MCPH1: variants seen among roughly 807,000 people sequenced by gnomAD.
MCPH1 encodes microcephalin.
A neutral mutation model predicts 84.5 loss-of-function variants in MCPH1; 104 were observed. The observed-to-expected ratio is 1.23, with a 90% confidence interval of 1.05 to 1.45. The LOEUF is 1.45. MCPH1 is among the 40% of genes most tolerant of loss of function. The pLI is 0.00. For missense variants in MCPH1, 1,498 were observed against 1,005.7 expected (o/e 1.49, Z -6.62); for synonymous variants, 514 against 366.8 (o/e 1.40, Z -4.58).
chr8:6,432,562 C>G (rs950437421), intron 4 of MCPH1, among the ~76,000 whole-genome samples: 11 of 152,186 alleles, frequency 7.2e-5, no homozygotes, highest in African/African-American at 2.4e-4. Flanking sequence ...TCTGAGGGTA[C>G]TTTACTCTGA....
intron 12 of MCPH1, among the ~76,000 whole-genome samples, chr8:6,506,399 T>C (rs1586199873): frequency 1.3e-5 from 2 of 152,290 alleles, no homozygotes; most frequent in South Asian, 4.1e-4. Flanking sequence ...CTTTTCCAAT[T>C]ACATTCTCAG....
At chr8:6,533,627 C>T (rs553235820) in intron 12 of MCPH1, among the ~76,000 whole-genome samples, 1 of 144,728 alleles carries the variant, frequency 6.9e-6, no homozygotes, top group African/African-American at 2.5e-5. Context: ...TCTTCCATTC[C>T]CTGGTCCAAA....
intron 12 of MCPH1, among the ~76,000 whole-genome samples, chr8:6,573,318 G>T (rs1295050077): frequency 6.6e-6 from 1 of 152,094 alleles, no homozygotes; most frequent in Non-Finnish European, 1.5e-5. Flanking sequence ...ATTCAGGTTA[G>T]ATATTATAGT....
chr8:6,465,543 T>C (rs1162438014), intron 9 of MCPH1, among the ~76,000 whole-genome samples: 1 of 152,216 alleles, frequency 6.6e-6, no homozygotes, highest in Non-Finnish European at 1.5e-5. Flanking sequence ...CTGGAAAGCG[T>C]TCTCTCACTT....
In MCPH1 at chr8:6,479,476, C is replaced by G. The variant is rs530103875; in HGVS notation, c.1974-1238C>G. Among the ~76,000 whole-genome samples the G allele has an allele frequency of 4.0e-5, 6 of 150,416 alleles. 1 individual carries two copies. The highest frequency in any genetic ancestry group is 1.2e-4 in the African/African-American group (5 of 40,832). The stretch of plus-strand genomic sequence containing the variant: ...TTGAGACAGAGTCTCCCTCTGTCAC[C>G]CAGGCTGGAGTGCAGTGGCGCAATC... On this transcript the variant is annotated intron_variant, in intron 10 of 13. Coordinates refer to ENST00000344683, the MANE Select transcript of MCPH1 (RefSeq NM_024596.5).
chr8:6,433,655 A>AAAAAAT (rs1802188613), intron 4 of MCPH1, among the ~76,000 whole-genome samples: 1 of 143,878 alleles, frequency 7.0e-6, no homozygotes, highest in African/African-American at 2.7e-5. Context: ...AAAAAAAAAA[A>AAAAAAT]CCTATTTCGT....
rs370826541 is a variant in MCPH1 at position 6,602,192 on chromosome 8, G to A, written c.2215-19262G>A. ...CCTTGAGCAGAAAGACTTAGGAAGG[G>A]TGCTCGCTAGCGAGGAGGGAGGCAA... On this transcript the variant is annotated intron_variant, in intron 12 of 13. Transcript: ENST00000344683. 6.9e-4 allele frequency among the ~76,000 whole-genome samples: 105 copies of A among 152,356 alleles called. 3 individuals are homozygous for A. In the South Asian group the frequency reaches 0.021, roughly 31 times the overall value.
chr8:6,531,466 T>G (rs1404141586), intron 12 of MCPH1, among the ~76,000 whole-genome samples: 3 of 152,038 alleles, frequency 2.0e-5, no homozygotes, highest in Admixed American at 2.0e-4. Context: ...TTTGTTTGTA[T>G]TTTTTAGTAG....
chr8:6,480,205 C>T (rs1809020302), intron 10 of MCPH1, among the ~76,000 whole-genome samples: 1 of 151,502 alleles, frequency 6.6e-6, no homozygotes, highest in African/African-American at 2.4e-5. Flanking sequence ...CTCACTGCAA[C>T]CTCCACCTCC....
chr8:6,514,422 C>T (rs1815823237), intron 12 of MCPH1, among the ~76,000 whole-genome samples: 2 of 152,174 alleles, frequency 1.3e-5, no homozygotes, highest in African/African-American at 4.8e-5. Flanking sequence ...CTCCTGACCT[C>T]AGGTAATCCA....
intron 11 of MCPH1, among the ~76,000 whole-genome samples, chr8:6,481,610 C>T (rs1310707343): frequency 6.6e-6 from 1 of 152,170 alleles, no homozygotes; most frequent in African/African-American, 2.4e-5. Context: ...ATACTGTGTT[C>T]ATTTAAACCA....
At chr8:6,495,298 C>T (rs1048224336) in intron 11 of MCPH1, among the ~76,000 whole-genome samples, 1 of 152,138 alleles carries the variant, frequency 6.6e-6, no homozygotes, top group Non-Finnish European at 1.5e-5. Flanking sequence ...AATAATGATG[C>T]ATAATGTCTT....
chr8:6,568,367 C>T lies in MCPH1; in HGVS notation c.2215-53087C>T, dbSNP rs530183508. Among the ~76,000 whole-genome samples, 82 of 152,256 alleles carry T rather than the reference C, an allele frequency of 5.4e-4. 1 individual carries two copies. In the South Asian group the frequency reaches 0.013, roughly 25 times the overall value. ...CATCCCAGGTTCCCCCAGAGCAATCCGTGCAGCTCTCATAAGCAACCAGAA... is the reference window on the plus strand; with the variant it reads ...CATCCCAGGTTCCCCCAGAGCAATCTGTGCAGCTCTCATAAGCAACCAGAA... On this transcript the variant is annotated intron_variant, in intron 12 of 13. Coordinates refer to ENST00000344683, the MANE Select transcript of MCPH1 (RefSeq NM_024596.5).
intron 12 of MCPH1, among the ~76,000 whole-genome samples, chr8:6,524,961 G>A (rs1201031082): frequency 6.6e-6 from 1 of 152,212 alleles, no homozygotes; most frequent in African/African-American, 2.4e-5. Flanking sequence ...ACCCTGCTGT[G>A]GACCTCAGGT....
chr8:6,637,086 G>A (rs1054515759), intron 13 of MCPH1, among the ~76,000 whole-genome samples: 4 of 152,186 alleles, frequency 2.6e-5, no homozygotes, highest in East Asian at 3.9e-4. Context: ...AACAACACAT[G>A]GTATCAGGTC....
rs200814676 is a variant in MCPH1, at chr8:6,444,591, A to T, written c.869A>T (p.Lys290Ile). The change falls in exon 8 of 14, where the codon AAA becomes ATA. Residue 290 changes from lysine (K) to isoleucine (I), a missense_variant. Physicochemically the swap from Lys to Ile is moderately radical, Grantham distance 102 (BLOSUM62 -3). Transcript: ENST00000344683. ...FTHLDKSSPQ[K>I]FLSNLSKEEI... ...CACCTCGATAAATCAAGTCCTCAGA[A>T]ATTTCTGAGTAATCTTTCAAAGGAA... 1.2e-4 allele frequency: 192 copies of T among 1,614,076 alleles called. 2 individuals are homozygous for T. The highest frequency in any genetic ancestry group is 2.4e-5 in the Non-Finnish European group (28 of 1,180,044).
At chr8:6,551,000 C>T (rs1016788065) in intron 12 of MCPH1, among the ~76,000 whole-genome samples, 9 of 152,168 alleles carry the variant, frequency 5.9e-5, no homozygotes, top group African/African-American at 2.2e-4. Flanking sequence ...CTACAAGAAC[C>T]CTGTAGACTT....
intron 12 of MCPH1, among the ~76,000 whole-genome samples, chr8:6,604,882 G>C (rs1829640073): frequency 6.6e-6 from 1 of 152,220 alleles, no homozygotes; most frequent in African/African-American, 2.4e-5. Context: ...AAATTAGCTG[G>C]GGGGAAATTG....
At chr8:6,415,110 GA>G (rs1799082415) in intron 3 of MCPH1, among the ~76,000 whole-genome samples, 1 of 151,980 alleles carries the variant, frequency 6.6e-6, no homozygotes, top group Admixed American at 6.6e-5. Context: ...TGCAGGTCCT[GA>G]AGCTGGGTAT....
Sources: gnomAD v4.1 joint callset for allele counts (sites outside exome capture counted in the v4.1 genomes callset) on GRCh38, gnomAD v4.1.1 for gene constraint, MANE v1.5 for transcripts, NCBI Gene and HGNC (gene_info 2026-07-23, HGNC 2026-07-21) for gene names.